Variants in NBAS observed in about 807,000 individuals in gnomAD.
The protein encoded by NBAS is NBAS subunit of NRZ tethering complex, also known as NAG/BC035112 fusion.
Under a neutral mutation model 302.5 loss-of-function variants are expected in NBAS, and 219 were observed. The observed-to-expected ratio is 0.72, with a 90% confidence interval of 0.65 to 0.81. NBAS has a LOEUF of 0.81. Among genes scored for constraint, NBAS ranks in the 30% least tolerant of loss-of-function variants. The probability of loss-of-function intolerance (pLI) is 0.00; values close to 1 mark genes in which losing one functional copy is unlikely to be tolerated. For missense variants in NBAS, 2,932 were observed against 2,841.6 expected (o/e 1.03, Z -0.72); for synonymous variants, 1,118 against 1,021.6 (o/e 1.09, Z -1.80).
the NBAS span, among the ~76,000 whole-genome samples, chr2:14,928,044 C>T: frequency 1.3e-5 from 2 of 151,892 alleles, no homozygotes; most frequent in African/African-American, 4.8e-5. Flanking sequence ...ATTTATTTTC[C>T]CTTTGTCTTG....
chr2:15,245,298 G>A (rs1240583134), intron 44 of NBAS, among the ~76,000 whole-genome samples: 1 of 151,772 alleles, frequency 6.6e-6, no homozygotes, highest in Admixed American at 6.6e-5. Flanking sequence ...CAACCACCCC[G>A]GCACCCTTGC....
chr2:15,389,675 C>T (rs1203199671), intron 28 of NBAS, among the ~76,000 whole-genome samples: 1 of 152,152 alleles, frequency 6.6e-6, no homozygotes, highest in Admixed American at 6.5e-5. Flanking sequence ...ATTAAATCTC[C>T]AGGCTAAAAC....
At chr2:15,436,021 T>C (rs1443499039) in intron 21 of NBAS, among the ~76,000 whole-genome samples, 1 of 152,200 alleles carries the variant, frequency 6.6e-6, no homozygotes, top group Non-Finnish European at 1.5e-5. Context: ...AAAAGGTATA[T>C]ATCACAATTA....
intron 44 of NBAS, among the ~76,000 whole-genome samples, chr2:15,244,173 C>CTAACATTTATT (rs1231850838): frequency 2.0e-5 from 3 of 152,160 alleles, no homozygotes; most frequent in Non-Finnish European, 2.9e-5. Flanking sequence ...GCACATGACA[C>CTAACATTTATT]TAACAGATAT....
intron 21 of NBAS, among the ~76,000 whole-genome samples, chr2:15,436,626 T>C (rs1473178): frequency 0.58 from 88,191 of 152,092 alleles, 26,958 homozygotes; most frequent in Non-Finnish European, 0.68. Context: ...TGCATATTTA[T>C]AATGTTGTCT....
the NBAS span, among the ~76,000 whole-genome samples, chr2:14,943,618 A>C: frequency 6.6e-6 from 1 of 152,224 alleles, no homozygotes; most frequent in Non-Finnish European, 1.5e-5. Context: ...TTTATTATTA[A>C]TTAATAACCC....
intron 9 of NBAS, among the ~76,000 whole-genome samples, chr2:15,534,056 T>C (rs930897956): frequency 1.3e-5 from 2 of 152,174 alleles, no homozygotes; most frequent in African/African-American, 4.8e-5. Flanking sequence ...AGGTTTCTAG[T>C]AAGCCTCAAT....
In NBAS at chr2:15,534,705, C is replaced by G; in HGVS notation, c.648-64G>C. Reference sequence around the variant, plus strand: ...AACCACAATGAATATCACTAAATACCCAATAAAATGTTTAGAATTTAAAAG... The same window carrying G: ...AACCACAATGAATATCACTAAATACGCAATAAAATGTTTAGAATTTAAAAG... On this transcript the variant is annotated intron_variant, in intron 8 of 51. Transcript: ENST00000281513. The G allele has an allele frequency of 2.6e-6, 3 of 1,173,566 alleles. No individual in the cohort carries two copies. The Admixed American group carries it at 5.1e-5, about 20-fold the overall frequency. The allele number at this position is 1,173,566 out of a possible 1,614,324, so 72.7% of individuals were successfully genotyped here. A position where few individuals can be genotyped will look rare whatever the true frequency, so the allele number is the denominator to read the frequency against.
the NBAS span, among the ~76,000 whole-genome samples, chr2:14,945,557 G>A: frequency 2.0e-5 from 3 of 151,804 alleles, no homozygotes; most frequent in Admixed American, 6.6e-5. Context: ...GCCAACTCAG[G>A]AATTTATCAT....
At chr2:14,968,598 T>C in the NBAS span, among the ~76,000 whole-genome samples, 1 of 152,184 alleles carries the variant, frequency 6.6e-6, no homozygotes, top group Non-Finnish European at 1.5e-5. Context: ...CTACTGTGCC[T>C]GGCCGAACAT....
At chr2:15,193,566 T>C (rs935505610) in intron 48 of NBAS, among the ~76,000 whole-genome samples, 1 of 152,330 alleles carries the variant, frequency 6.6e-6, no homozygotes, top group African/African-American at 2.4e-5. Context: ...AATATTATCT[T>C]CTTTATTACA....
At chr2:15,444,229 C>T in intron 21 of NBAS, among the ~76,000 whole-genome samples, 1 of 151,978 alleles carries the variant, frequency 6.6e-6, no homozygotes, top group African/African-American at 2.4e-5. Context: ...GAGCTGGAGG[C>T]ATCATACTAC....
At chr2:14,908,500 C>A in the NBAS span, among the ~76,000 whole-genome samples, 4 of 152,154 alleles carry the variant, frequency 2.6e-5, no homozygotes, top group Non-Finnish European at 5.9e-5. Flanking sequence ...ATGTTTTTTA[C>A]GTGGAGAGGG....
intron 6 of NBAS, among the ~76,000 whole-genome samples, chr2:15,544,834 A>C (rs1486994870): frequency 6.6e-6 from 1 of 152,116 alleles, no homozygotes; most frequent in Non-Finnish European, 1.5e-5. Flanking sequence ...AAATGGTGAA[A>C]TCCTATCTCT....
In NBAS at chr2:15,403,685, T is replaced by TC. The variant is rs374654007; in HGVS notation, c.2938-1385dup. Among the ~76,000 whole-genome samples, 1,013 of 151,282 alleles carry TC rather than the reference T, an allele frequency of 6.7e-3. 10 individuals carry two copies. The highest frequency in any genetic ancestry group is 0.024 in the African/African-American group (975 of 41,170). ...GGGCTTAAGAGGGGTACTAAAGCAA[T>TC]CCCCCCCAGATACTGAGGGATGAAC... On this transcript the variant is annotated intron_variant, in intron 25 of 51. Transcript: ENST00000281513.
At chr2:14,990,874 C>T in the NBAS span, among the ~76,000 whole-genome samples, 18,317 of 152,170 alleles carry the variant, frequency 0.12, 1,256 homozygotes, top group Middle Eastern at 0.21. Context: ...GAAGCTGAAT[C>T]GCTCACAGCC....
chr2:15,232,100 T>C (rs1667405137), intron 47 of NBAS, among the ~76,000 whole-genome samples: 1 of 152,068 alleles, frequency 6.6e-6, no homozygotes, highest in African/African-American at 2.4e-5. Context: ...ATCAATACAG[T>C]TAATGTGTTG....
the NBAS span, among the ~76,000 whole-genome samples, chr2:15,144,059 A>ATATATTATCC: frequency 1.4e-5 from 2 of 140,550 alleles, no homozygotes; most frequent in East Asian, 2.1e-4. Context: ...ATATATATAT[A>ATATATTATCC]TATATATATC....
chr2:14,895,600 G>A, the NBAS span, among the ~76,000 whole-genome samples: 3 of 152,136 alleles, frequency 2.0e-5, no homozygotes, highest in East Asian at 3.9e-4. Flanking sequence ...TTAGCCGGGT[G>A]TGGTAGCGGG....
Sources: allele counts gnomAD v4.1 joint callset (sites outside exome capture counted in the v4.1 genomes callset), GRCh38; gene constraint gnomAD v4.1.1; transcripts MANE v1.5; gene names NCBI Gene and HGNC (gene_info 2026-07-23, HGNC 2026-07-21).